SYNDIG1: variants seen among roughly 807,000 people sequenced by gnomAD.
The protein encoded by SYNDIG1 is synapse differentiation inducing 1, also known as synapse differentiation-inducing gene protein 1.
SYNDIG1 carries 9 observed loss-of-function variants against 19.4 expected under a neutral mutation model. That is an observed-to-expected ratio of 0.46 (90% CI 0.28 to 0.81). SYNDIG1 has a LOEUF of 0.81. Among genes scored for constraint, SYNDIG1 ranks in the 30% least tolerant of loss-of-function variants. The pLI, the probability that SYNDIG1 is intolerant of heterozygous loss-of-function variation, is 0.12. For missense variants in SYNDIG1, 311 were observed against 343.3 expected (o/e 0.91, Z 0.74); for synonymous variants, 141 against 145.9 (o/e 0.97, Z 0.24).
intron 1 of SYNDIG1, among the ~76,000 whole-genome samples, chr20:24,507,662 G>C (rs1443028791): frequency 6.6e-6 from 1 of 152,204 alleles, no homozygotes; most frequent in East Asian, 1.9e-4. Flanking sequence ...CTGTGGGTGT[G>C]GGGGAGCCTT....
intron 1 of SYNDIG1, among the ~76,000 whole-genome samples, chr20:24,481,509 G>A (rs951939701): frequency 1.3e-5 from 2 of 152,188 alleles, no homozygotes; most frequent in Non-Finnish European, 2.9e-5. Context: ...AAGACTGCAC[G>A]ATCTCCTGAA....
intron 3 of SYNDIG1, among the ~76,000 whole-genome samples, chr20:24,656,691 C>T (rs75161401): frequency 1.7e-3 from 263 of 152,356 alleles, no homozygotes; most frequent in African/African-American, 6.1e-3. Context: ...ATCTCTGCTT[C>T]GCTTCCTCCT....
chr20:24,494,917 T>C (rs1047061461), intron 1 of SYNDIG1, among the ~76,000 whole-genome samples: 1 of 152,166 alleles, frequency 6.6e-6, no homozygotes, highest in Admixed American at 6.5e-5. Flanking sequence ...TGCATTAATG[T>C]AGGACCCTCT....
chr20:24,503,956 G>GTTTTTTTT (rs777270289), intron 1 of SYNDIG1, among the ~76,000 whole-genome samples: 1 of 125,292 alleles, frequency 8.0e-6, no homozygotes, highest in African/African-American at 3.3e-5. Flanking sequence ...GGGAGAGCAG[G>GTTTTTTTT]TTTTTTTTTT....
chr20:24,623,307 C>A (rs373546812), intron 3 of SYNDIG1, among the ~76,000 whole-genome samples: 18 of 151,990 alleles, frequency 1.2e-4, no homozygotes, highest in African/African-American at 4.4e-4. Flanking sequence ...GTAAGAATAT[C>A]CCTCAAAAGT....
At chr20:24,528,776 G>C (rs893236748) in intron 1 of SYNDIG1, among the ~76,000 whole-genome samples, 24 of 152,242 alleles carry the variant, frequency 1.6e-4, no homozygotes, top group African/African-American at 5.8e-4. Flanking sequence ...TCCCTCCCTT[G>C]AATCCCAAAC....
chr20:24,660,501 G>A (rs764196652), intron 3 of SYNDIG1, among the ~76,000 whole-genome samples: 2 of 152,212 alleles, frequency 1.3e-5, no homozygotes, highest in Non-Finnish European at 2.9e-5. Flanking sequence ...GCCTCAGGAG[G>A]AAGGGCCTCC....
chr20:24,578,512 G>A (rs543131355), intron 2 of SYNDIG1, among the ~76,000 whole-genome samples: 16 of 152,164 alleles, frequency 1.1e-4, no homozygotes, highest in African/African-American at 3.4e-4. Flanking sequence ...TAGACAAATC[G>A]GTATCACGTG....
intron 1 of SYNDIG1, among the ~76,000 whole-genome samples, chr20:24,520,798 G>T (rs1264362440): frequency 1.3e-5 from 2 of 151,320 alleles, no homozygotes; most frequent in African/African-American, 2.4e-5. Context: ...TTATTTTTTT[G>T]AGAAAAGTCC....
chr20:24,609,347 C>A (rs1490099563), intron 3 of SYNDIG1, among the ~76,000 whole-genome samples: 1 of 152,188 alleles, frequency 6.6e-6, no homozygotes, highest in Non-Finnish European at 1.5e-5. Flanking sequence ...CTTTGCTTTT[C>A]TTTTTCTGTC....
chr20:24,601,958 T>G (rs975571317), intron 3 of SYNDIG1, among the ~76,000 whole-genome samples: 1 of 151,988 alleles, frequency 6.6e-6, no homozygotes, highest in African/African-American at 2.4e-5. Context: ...TAGTTGTGTC[T>G]CAAATTCTGC....
intron 3 of SYNDIG1, among the ~76,000 whole-genome samples, chr20:24,635,455 T>G (rs946872382): frequency 5.3e-5 from 8 of 152,162 alleles, no homozygotes; most frequent in African/African-American, 1.7e-4. Flanking sequence ...GAAGAGAACC[T>G]ATTGCTATGA....
intron 1 of SYNDIG1, among the ~76,000 whole-genome samples, chr20:24,472,592 T>G (rs2055500200): frequency 6.6e-6 from 1 of 152,214 alleles, no homozygotes; most frequent in African/African-American, 2.4e-5. Flanking sequence ...GAACATTTCA[T>G]TGTCTAATTA....
intron 2 of SYNDIG1, among the ~76,000 whole-genome samples, chr20:24,551,526 C>A (rs1278911443): frequency 6.6e-6 from 1 of 151,116 alleles, no homozygotes; most frequent in Admixed American, 6.6e-5. Flanking sequence ...CCTCTGTTTC[C>A]TTTGGCTTAA....
intron 1 of SYNDIG1, among the ~76,000 whole-genome samples, chr20:24,500,474 T>TTTTC (rs138037383): frequency 0.013 from 1,743 of 136,292 alleles, 23 homozygotes; most frequent in East Asian, 0.024. Context: ...AAGCAGATTC[T>TTTTC]TTTCTTTCTT....
chr20:24,637,893 G>A (rs1270691258), intron 3 of SYNDIG1, among the ~76,000 whole-genome samples: 1 of 152,204 alleles, frequency 6.6e-6, no homozygotes, highest in Non-Finnish European at 1.5e-5. Context: ...GTGTAGTCAA[G>A]ACTTCTTGGC....
At chr20:24,642,989 C>G (rs921421061) in intron 3 of SYNDIG1, among the ~76,000 whole-genome samples, 1 of 152,122 alleles carries the variant, frequency 6.6e-6, no homozygotes, top group African/African-American at 2.4e-5. Context: ...ACTGCAATTA[C>G]TTTTGCACGA....
chr20:24,607,567 T>C (rs1023313415), intron 3 of SYNDIG1, among the ~76,000 whole-genome samples: 1 of 116,462 alleles, frequency 8.6e-6, no homozygotes, highest in South Asian at 2.7e-4. Flanking sequence ...CTGTGACTTT[T>C]TCTCCTCAAG....
At chr20:24,573,050 A>C (rs2058170167) in intron 2 of SYNDIG1, among the ~76,000 whole-genome samples, 1 of 152,088 alleles carries the variant, frequency 6.6e-6, no homozygotes, top group South Asian at 2.1e-4. Context: ...AGTTTTACCC[A>C]CTGCTCTGCT....
Sources: gnomAD v4.1 joint callset for allele counts (sites outside exome capture counted in the v4.1 genomes callset) on GRCh38, gnomAD v4.1.1 for gene constraint, MANE v1.5 for transcripts, NCBI Gene and HGNC (gene_info 2026-07-23, HGNC 2026-07-21) for gene names.